Variants in KCNQ5 observed in about 807,000 individuals in gnomAD.
KCNQ5 encodes the protein potassium voltage-gated channel subfamily KQT member 5.
In KCNQ5, 30 loss-of-function variants were observed where a neutral mutation model predicts 98.2. The ratio of observed to expected loss-of-function variants is 0.31; its 90% CI spans 0.23 to 0.41. The LOEUF is 0.41. Among genes scored for constraint, KCNQ5 ranks in the 10% least tolerant of loss-of-function variants. The probability of loss-of-function intolerance (pLI) is 1.00; values close to 1 mark genes in which losing one functional copy is unlikely to be tolerated. For missense variants in KCNQ5, 835 were observed against 1,182.5 expected (o/e 0.71, Z 4.31); for synonymous variants, 458 against 449.4 (o/e 1.02, Z -0.24).
chr6:73,171,530 TGGCTACTTGA>T (rs1778016216), intron 11 of KCNQ5, among the ~76,000 whole-genome samples: 1 of 152,240 alleles, frequency 6.6e-6, no homozygotes, highest in African/African-American at 2.4e-5. Context: ...TGATAACCAC[TGGCTACTTGA>T]GGCTACTGAG....
intron 10 of KCNQ5, among the ~76,000 whole-genome samples, chr6:73,139,067 T>A (rs932250460): frequency 6.6e-6 from 1 of 152,238 alleles, no homozygotes; most frequent in Non-Finnish European, 1.5e-5. Flanking sequence ...GAGTCTTCTT[T>A]TGACTTTTTC....
intron 1 of KCNQ5, among the ~76,000 whole-genome samples, chr6:72,802,041 T>C (rs1163818437): frequency 8.5e-5 from 13 of 152,122 alleles, no homozygotes. Flanking sequence ...CCGACCTTTC[T>C]CTCTGGCTGT....
At chr6:72,746,656 AG>A (rs1299201599) in intron 1 of KCNQ5, among the ~76,000 whole-genome samples, 2 of 152,226 alleles carry the variant, frequency 1.3e-5, no homozygotes, top group African/African-American at 4.8e-5. Context: ...TTTGACTCTA[AG>A]CAAAATCTCA....
chr6:73,173,327 T>A (rs1267274184), intron 11 of KCNQ5, among the ~76,000 whole-genome samples: 1 of 152,216 alleles, frequency 6.6e-6, no homozygotes, highest in Non-Finnish European at 1.5e-5. Flanking sequence ...TAAGTTTCTT[T>A]TTATCCACTC....
intron 1 of KCNQ5, among the ~76,000 whole-genome samples, chr6:72,865,185 G>A (rs768395492): frequency 3.3e-5 from 5 of 152,142 alleles, no homozygotes; most frequent in Non-Finnish European, 7.4e-5. Flanking sequence ...GTGGAAATCA[G>A]GACCTCAATC....
chr6:72,811,178 T>C (rs115801459), intron 1 of KCNQ5, among the ~76,000 whole-genome samples: 26 of 152,278 alleles, frequency 1.7e-4, no homozygotes, highest in African/African-American at 6.3e-4. Context: ...CTAACTGGCA[T>C]TGAGCTTCCA....
rs187638367 is a variant in KCNQ5 at position 72,657,039 on chromosome 6, C to A, written c.398+34452C>A. On this transcript the variant is annotated intron_variant, in intron 1 of 13. Transcript: ENST00000370398. Reference sequence around the variant, plus strand: ...GCAGCACAGTGAGACTCCATCTCTGCAAAAATAAAAAATAGAAAACATTAG... The same window carrying A: ...GCAGCACAGTGAGACTCCATCTCTGAAAAAATAAAAAATAGAAAACATTAG... 1.4e-4 allele frequency among the ~76,000 whole-genome samples: 21 copies of A among 151,988 alleles called. No homozygotes were observed. In the East Asian group the frequency reaches 3.7e-3, roughly 27 times the overall value.
chr6:72,641,865 A>G (rs2098927362), intron 1 of KCNQ5, among the ~76,000 whole-genome samples: 1 of 151,766 alleles, frequency 6.6e-6, no homozygotes, highest in Non-Finnish European at 1.5e-5. Context: ...TATTTATCTG[A>G]GACACTTTTG....
At chr6:73,137,649 T>C (rs1776524904) in intron 10 of KCNQ5, among the ~76,000 whole-genome samples, 1 of 152,190 alleles carries the variant, frequency 6.6e-6, no homozygotes. Flanking sequence ...TCTATTATTT[T>C]ATTTAATTCT....
intron 1 of KCNQ5, among the ~76,000 whole-genome samples, chr6:72,725,104 T>G (rs1770195721): frequency 6.6e-6 from 1 of 152,190 alleles, no homozygotes; most frequent in Non-Finnish European, 1.5e-5. Flanking sequence ...GAATTTTTTC[T>G]CTGTTTTTCC....
At chr6:73,153,406 C>G (rs1258726927) in intron 10 of KCNQ5, among the ~76,000 whole-genome samples, 1 of 151,930 alleles carries the variant, frequency 6.6e-6, no homozygotes, top group Admixed American at 6.6e-5. Flanking sequence ...TTCAATCTAC[C>G]ATCTTAACCC....
chr6:72,800,327 T>C (rs1039005801), intron 1 of KCNQ5, among the ~76,000 whole-genome samples: 3 of 152,218 alleles, frequency 2.0e-5, no homozygotes, highest in Non-Finnish European at 2.9e-5. Context: ...TATTCAGAGA[T>C]TCAATTTCTT....
rs535212427 is a variant in KCNQ5, at chr6:72,857,974, T to C, written c.399-145934T>C. On this transcript the variant is annotated intron_variant, in intron 1 of 13. Coordinates refer to ENST00000370398, the MANE Select transcript of KCNQ5 (RefSeq NM_019842.4). ...AAAATGCACAAATAACTCTGCCTCATAGAACTTGCATTCCTCAATAGTGAG... is the reference window on the plus strand; with the variant it reads ...AAAATGCACAAATAACTCTGCCTCACAGAACTTGCATTCCTCAATAGTGAG... 3.9e-5 allele frequency among the ~76,000 whole-genome samples: 6 copies of C among 152,288 alleles called. No individual in the cohort carries two copies. In the East Asian group the frequency reaches 1.2e-3, roughly 29 times the overall value.
intron 1 of KCNQ5, among the ~76,000 whole-genome samples, chr6:72,895,124 A>AAG (rs1779196396): frequency 6.7e-6 from 1 of 149,988 alleles, no homozygotes; most frequent in African/African-American, 2.4e-5. Flanking sequence ...TAAAAAAAAA[A>AAG]AAAAAAAAAA....
intron 1 of KCNQ5, chr6:72,676,969 G>T (rs2154473607): frequency 6.6e-6 from 1 of 152,106 alleles, no homozygotes; most frequent in African/African-American, 2.4e-5. Context: ...GGTTTGATTT[G>T]GGGTATATGT....
chr6:73,193,546 G>T (rs1765678593), intron 13 of KCNQ5, among the ~76,000 whole-genome samples: 1 of 146,634 alleles, frequency 6.8e-6, no homozygotes. Flanking sequence ...TTATAATTCT[G>T]ATGACACATT....
At chr6:72,865,304 T>A (rs1226360333) in intron 1 of KCNQ5, among the ~76,000 whole-genome samples, 1 of 152,212 alleles carries the variant, frequency 6.6e-6, no homozygotes, top group Non-Finnish European at 1.5e-5. Context: ...TGGATATATC[T>A]AAAAGTCCTC....
intron 5 of KCNQ5, among the ~76,000 whole-genome samples, chr6:73,082,801 G>A (rs1269292485): frequency 4.0e-5 from 6 of 151,576 alleles, no homozygotes; most frequent in African/African-American, 1.5e-4. Context: ...GGCTTGCAGA[G>A]CACAAAATGC....
intron 1 of KCNQ5, among the ~76,000 whole-genome samples, chr6:72,979,733 GT>G (rs1768341654): frequency 6.6e-6 from 1 of 152,136 alleles, no homozygotes; most frequent in Admixed American, 6.5e-5. Flanking sequence ...TGATGTTTTA[GT>G]CATGAAGTCC....
Sources: gnomAD v4.1 joint callset for allele counts (sites outside exome capture counted in the v4.1 genomes callset) on GRCh38, gnomAD v4.1.1 for gene constraint, MANE v1.5 for transcripts, NCBI Gene and HGNC (gene_info 2026-07-23, HGNC 2026-07-21) for gene names.